ROBO2: variants seen among roughly 807,000 people sequenced by gnomAD.
ROBO2 encodes roundabout guidance receptor 2.
Under a neutral mutation model 160.8 loss-of-function variants are expected in ROBO2, and 53 were observed. The ratio of observed to expected loss-of-function variants is 0.33; its 90% CI spans 0.26 to 0.41. ROBO2 has a LOEUF of 0.41. Among genes scored for constraint, ROBO2 ranks in the 10% least tolerant of loss-of-function variants. The pLI, the probability that ROBO2 is intolerant of heterozygous loss-of-function variation, is 1.00. For missense variants in ROBO2, 1,577 were observed against 1,722.4 expected (o/e 0.92, Z 1.49); for synonymous variants, 664 against 611.7 (o/e 1.09, Z -1.26).
chr3:76,955,629 A>C (rs1277640057), intron 2 of ROBO2, among the ~76,000 whole-genome samples: 1 of 152,140 alleles, frequency 6.6e-6, no homozygotes, highest in Non-Finnish European at 1.5e-5. Flanking sequence ...TTATATTCTT[A>C]CTGGCCAACA....
chr3:76,248,565 A>G (rs911569903), intron 2 of ROBO2, among the ~76,000 whole-genome samples: 4 of 151,270 alleles, frequency 2.6e-5, no homozygotes, highest in East Asian at 3.9e-4. Context: ...TGGGTGCAGC[A>G]CACCAGCATG....
intron 2 of ROBO2, among the ~76,000 whole-genome samples, chr3:77,000,060 C>T (rs2061255963): frequency 1.3e-5 from 2 of 152,100 alleles, no homozygotes; most frequent in South Asian, 4.1e-4. Flanking sequence ...CTTTATATTA[C>T]ACTTCAACCT....
intron 2 of ROBO2, among the ~76,000 whole-genome samples, chr3:76,216,805 C>T (rs373582765): frequency 2.2e-4 from 33 of 152,220 alleles, no homozygotes; most frequent in East Asian, 5.8e-4. Context: ...CTGCACCAAG[C>T]GGACCTAATA....
chr3:77,570,503 G>A (rs1323676950), intron 13 of ROBO2, among the ~76,000 whole-genome samples: 1 of 151,824 alleles, frequency 6.6e-6, no homozygotes, highest in African/African-American at 2.4e-5. Context: ...ATAACTGTTT[G>A]TTGAATGATC....
chr3:75,983,877 A>G (rs1261024797), intron 2 of ROBO2, among the ~76,000 whole-genome samples: 1 of 151,526 alleles, frequency 6.6e-6, no homozygotes, highest in Non-Finnish European at 1.5e-5. Context: ...TTAATTACTT[A>G]TTAATAACTA....
At chr3:77,126,828 T>C (rs1396100914) in intron 2 of ROBO2, among the ~76,000 whole-genome samples, 1 of 129,908 alleles carries the variant, frequency 7.7e-6, no homozygotes, top group Non-Finnish European at 1.6e-5. Context: ...GCACTCTGTC[T>C]CCCAGGCTGG....
chr3:75,926,986 A>G (rs756488847), intron 1 of ROBO2, among the ~76,000 whole-genome samples: 7 of 152,202 alleles, frequency 4.6e-5, no homozygotes, highest in African/African-American at 7.2e-5. Flanking sequence ...ACTTTTCTTG[A>G]GAAATTAGCA....
At chr3:76,297,195 C>G (rs1283585636) in intron 2 of ROBO2, among the ~76,000 whole-genome samples, 1 of 152,188 alleles carries the variant, frequency 6.6e-6, no homozygotes, top group African/African-American at 2.4e-5. Flanking sequence ...ATGCAGACAG[C>G]TCTCCTTTTA....
chr3:77,397,287 A>G (rs2075369334), intron 2 of ROBO2, among the ~76,000 whole-genome samples: 1 of 152,164 alleles, frequency 6.6e-6, no homozygotes, highest in Non-Finnish European at 1.5e-5. Context: ...ATCAAACTAC[A>G]TCAAAACTTT....
At chr3:77,349,533 G>A (rs982946020) in intron 2 of ROBO2, among the ~76,000 whole-genome samples, 33 of 152,248 alleles carry the variant, frequency 2.2e-4, no homozygotes, top group African/African-American at 7.7e-4. Context: ...AGCTAGAAAT[G>A]CTTTTAAGCC....
rs528320220 is a variant in ROBO2 at position 77,481,243 on chromosome 3, A to T, written c.667+24A>T. 5 of 1,495,460 alleles carry T rather than the reference A, an allele frequency of 3.3e-6. No homozygotes were observed. The East Asian group carries it at 1.2e-4, about 36-fold the overall frequency. The allele number at this position is 1,495,460 out of a possible 1,614,324, so 92.6% of individuals were successfully genotyped here. On this transcript the variant is annotated intron_variant, in intron 4 of 25. Coordinates refer to ENST00000461745, the Ensembl canonical transcript of ROBO2. ...TGGTAAAACTTTCTTCTAAATTATA[A>T]ATTTTTATTTTTATCAATTTTTCTT...
intron 2 of ROBO2, among the ~76,000 whole-genome samples, chr3:76,761,471 T>C (rs191389494): frequency 6.6e-6 from 1 of 151,846 alleles, no homozygotes; most frequent in East Asian, 2.0e-4. Context: ...GCTGGGAAAA[T>C]ATATTATATG....
chr3:77,417,241 T>C (rs116814289), intron 2 of ROBO2, among the ~76,000 whole-genome samples: 29,326 of 151,606 alleles, frequency 0.19, 3,619 homozygotes, highest in Middle Eastern at 0.28. Context: ...CTTTTTTTTT[T>C]TTTTTTTGGC....
chr3:76,263,271 A>G (rs1174430365), intron 2 of ROBO2, among the ~76,000 whole-genome samples: 2 of 152,100 alleles, frequency 1.3e-5, no homozygotes, highest in African/African-American at 4.8e-5. Flanking sequence ...TCTGTCACTC[A>G]GGCTGGAATG....
At chr3:76,687,503 TAA>T (rs1166612164) in intron 2 of ROBO2, among the ~76,000 whole-genome samples, 1 of 151,954 alleles carries the variant, frequency 6.6e-6, no homozygotes, top group Non-Finnish European at 1.5e-5. Context: ...AGAAAGATTT[TAA>T]AAAATACCAA....
chr3:76,599,471 C>T (rs1366257267), intron 2 of ROBO2, among the ~76,000 whole-genome samples: 1 of 151,966 alleles, frequency 6.6e-6, no homozygotes, highest in Non-Finnish European at 1.5e-5. Context: ...TATGTTGATT[C>T]CATGTCTTTG....
chr3:77,124,574 A>C, intron 2 of ROBO2, among the ~76,000 whole-genome samples: 1 of 152,152 alleles, frequency 6.6e-6, no homozygotes, highest in East Asian at 1.9e-4. Flanking sequence ...AAGTTATATA[A>C]ATGTGGAGTT....
intron 2 of ROBO2, among the ~76,000 whole-genome samples, chr3:76,272,315 G>C (rs181943469): frequency 1.3e-5 from 2 of 152,128 alleles, no homozygotes; most frequent in East Asian, 3.9e-4. Context: ...GGAAAGAAGA[G>C]TTAAAATTAT....
At chr3:76,420,530 A>G (rs2075951328) in intron 2 of ROBO2, among the ~76,000 whole-genome samples, 1 of 152,246 alleles carries the variant, frequency 6.6e-6, no homozygotes. Context: ...ATTTAAGACA[A>G]GAATTAGTAC....
Sources: allele counts gnomAD v4.1 joint callset (sites outside exome capture counted in the v4.1 genomes callset), GRCh38; gene constraint gnomAD v4.1.1; transcripts MANE v1.5; gene names NCBI Gene and HGNC (gene_info 2026-07-23, HGNC 2026-07-21).